The following NFASC variants were observed in gnomAD, a reference collection of about 807,000 sequenced individuals.
The protein encoded by NFASC is neurofascin homolog.
In NFASC, 43 loss-of-function variants were observed where a neutral mutation model predicts 147.5. The ratio of observed to expected loss-of-function variants is 0.29; its 90% confidence interval spans 0.23 to 0.38. The LOEUF (loss-of-function observed/expected upper bound fraction) is 0.38. Ranked by LOEUF, NFASC falls within the 10% of genes least tolerant of loss-of-function variation. NFASC has a pLI of 1.00. For synonymous variants in NFASC, 622 were observed against 665.5 expected (o/e 0.93, Z 1.01); for missense variants, 1,320 against 1,689.0 (o/e 0.78, Z 3.83).
chr1:204,889,327 T>C (rs543756959), intron 1 of NFASC, among the ~76,000 whole-genome samples: 25 of 152,334 alleles, frequency 1.6e-4, no homozygotes, highest in African/African-American at 5.8e-4. Context: ...CCTTCCCAAC[T>C]TTCCCAGGAT....
intron 2 of NFASC, among the ~76,000 whole-genome samples, chr1:204,928,719 CT>C (rs2092015704): frequency 6.6e-6 from 1 of 152,198 alleles, no homozygotes; most frequent in African/African-American, 2.4e-5. Context: ...ACACAGACGT[CT>C]CTGTGTCCAA....
intron 2 of NFASC, among the ~76,000 whole-genome samples, chr1:204,936,327 G>A (rs61819454): frequency 0.06 from 9,013 of 149,604 alleles, 695 homozygotes; most frequent in African/African-American, 0.18. Context: ...TCAGCCTCCC[G>A]AGTAGCTGGG....
At chr1:204,920,591 A>G (rs2149437911) in intron 1 of NFASC, 41 bp from the exon 2 acceptor site, 2 of 1,006,742 alleles carry the variant, frequency 2.0e-6, no homozygotes, top group South Asian at 1.4e-5. Context: ...TTCCTTTCTT[A>G]GAGTAACCCT....
intron 1 of NFASC, among the ~76,000 whole-genome samples, chr1:204,891,490 C>T (rs1182626601): frequency 1.3e-5 from 2 of 152,172 alleles, no homozygotes; most frequent in East Asian, 1.9e-4. Context: ...ATAAGAGGCC[C>T]TAGGGCTAGA....
intron 1 of NFASC, among the ~76,000 whole-genome samples, chr1:204,847,156 G>A (rs779332403): frequency 6.6e-6 from 1 of 152,104 alleles, no homozygotes; most frequent in Non-Finnish European, 1.5e-5. Flanking sequence ...GGGTCTAAGT[G>A]TGAGTGGCCT....
chr1:204,845,319 G>A (rs1221735303), intron 1 of NFASC, among the ~76,000 whole-genome samples: 4 of 150,100 alleles, frequency 2.7e-5, no homozygotes, highest in African/African-American at 7.4e-5. Context: ...ATAGCTGGGC[G>A]TGATGGTGAG....
At chr1:204,867,189 C>T (rs1020427360) in intron 1 of NFASC, among the ~76,000 whole-genome samples, 3 of 152,134 alleles carry the variant, frequency 2.0e-5, no homozygotes, top group Non-Finnish European at 2.9e-5. Flanking sequence ...GTTGGATTTG[C>T]ACATGGAAGA....
At chr1:204,950,183 C>G (rs763791135) in intron 3 of NFASC, among the ~76,000 whole-genome samples, 8 of 152,244 alleles carry the variant, frequency 5.3e-5, no homozygotes, top group Non-Finnish European at 1.2e-4. Context: ...GAGCCCACTT[C>G]CCTCAGTGGC....
rs1279223705 is a variant in NFASC, at chr1:205,022,411, C to T, written c.*5872C>T. 6.6e-6 allele frequency: 1 copy of T among 152,414 alleles called. No individual in the cohort carries two copies. The highest frequency in any genetic ancestry group is 1.9e-4 in the East Asian group (1 of 5,190). 9.4% of individuals were successfully genotyped at this position (152,414 alleles called of 1,614,324 possible). On this transcript the variant is annotated 3_prime_UTR_variant, in exon 30 of 30. Coordinates refer to ENST00000339876, the MANE Select transcript of NFASC (RefSeq NM_001005388.3). ...CCCACCACACACCCATATCCCCCAC[C>T]ATTCCAATTTGTTCTTTCCCGTGGG...
At chr1:205,012,696 C>A (rs2096275104) in intron 28 of NFASC, 101 bp from the exon 29 acceptor site, 1 of 874,626 alleles carries the variant, frequency 1.1e-6, no homozygotes, top group Non-Finnish European at 2.0e-6. Context: ...GTCAGTGAGC[C>A]CAGGGCGGTG....
At chr1:204,866,299 G>T (rs1258232066) in intron 1 of NFASC, among the ~76,000 whole-genome samples, 1 of 152,200 alleles carries the variant, frequency 6.6e-6, no homozygotes, top group Non-Finnish European at 1.5e-5. Context: ...GGGCAGAGAG[G>T]ATGATCAAGG....
intron 1 of NFASC, among the ~76,000 whole-genome samples, chr1:204,883,895 G>A (rs2148921348): frequency 6.6e-6 from 1 of 152,296 alleles, no homozygotes; most frequent in South Asian, 2.1e-4. Context: ...GAAGATCTGA[G>A]ACCTGAACCC....
chr1:204,973,975 T>C lies in NFASC; in HGVS notation c.1280-204T>C, dbSNP rs1051780843. Among the ~76,000 whole-genome samples the C allele has an allele frequency of 9.9e-5, 15 of 151,962 alleles. No homozygotes were observed. The East Asian group carries it at 2.5e-3, about 25-fold the overall frequency. Reference sequence around the variant, plus strand: ...GCAAAAGCTGGATTTGGATGTAGGGTAGGTTGAGGGCAGAGGACGTAGTAA... The same window carrying C: ...GCAAAAGCTGGATTTGGATGTAGGGCAGGTTGAGGGCAGAGGACGTAGTAA... On this transcript the variant is annotated intron_variant, in intron 12 of 29. Transcript: ENST00000339876.
In NFASC at chr1:204,950,631, A is replaced by G. The variant is rs1001356751; in HGVS notation, c.109+57A>G. 5.2e-6 allele frequency: 8 copies of G among 1,536,614 alleles called. No individual in the cohort carries two copies. The African/African-American group carries it at 1.1e-4, about 21-fold the overall frequency. On this transcript the variant is annotated intron_variant, in intron 4 of 29. Transcript: ENST00000339876. ...GGGAGTTGGGAGGGAGGAATGAGGC[A>G]TGAGGTGATACCTGGGGATTAGTGG...
At chr1:204,932,920 C>T (rs2092492743) in intron 2 of NFASC, among the ~76,000 whole-genome samples, 1 of 152,140 alleles carries the variant, frequency 6.6e-6, no homozygotes, top group South Asian at 2.1e-4. Context: ...GAATTGATCA[C>T]ATGGAAGGAG....
chr1:205,003,356 C>T (rs989414079), intron 27 of NFASC, among the ~76,000 whole-genome samples: 3 of 152,172 alleles, frequency 2.0e-5, no homozygotes, highest in African/African-American at 7.2e-5. Context: ...TCTCCAGAAC[C>T]GGAAAGGTTC....
rs945038354 is a variant in NFASC, at chr1:204,986,387, G to A, written c.2471-1031G>A. Among the ~76,000 whole-genome samples, 2 of 152,208 alleles carry A rather than the reference G, an allele frequency of 1.3e-5. No individual in the cohort carries two copies. The highest frequency in any genetic ancestry group is 3.9e-4 in the East Asian group (2 of 5,194). On this transcript the variant is annotated intron_variant, in intron 21 of 29. Coordinates refer to ENST00000339876, the MANE Select transcript of NFASC (RefSeq NM_001005388.3). This position sits in a 1 kb window ranked among gnomAD's most constrained non-coding sequence, Gnocchi z 4.2. ...CGGGTTATGCAGACTGATCCCCGAGGGCACGGCGGGCACCTGGGCCACCCC... is the reference window on the plus strand; with the variant it reads ...CGGGTTATGCAGACTGATCCCCGAGAGCACGGCGGGCACCTGGGCCACCCC...
At chr1:204,872,039 G>A (rs1165878581) in intron 1 of NFASC, among the ~76,000 whole-genome samples, 1 of 152,138 alleles carries the variant, frequency 6.6e-6, no homozygotes, top group South Asian at 2.1e-4. Context: ...GTTTTGTTTG[G>A]GTTGAAGATT....
rs538391628 is a variant in NFASC at position 204,863,938 on chromosome 1, G to A, written c.-200+35156G>A. Among the ~76,000 whole-genome samples, 3 of 121,690 alleles carry A rather than the reference G, an allele frequency of 2.5e-5. No homozygotes were observed. In the Admixed American group the frequency reaches 3.0e-4, roughly 12 times the overall value. The allele number at this position is 121,690 out of a possible 152,430, so 79.8% of individuals were successfully genotyped here. A position where few individuals can be genotyped will look rare whatever the true frequency, so the allele number is the denominator to read the frequency against. ...AGGGAAAGGAAAGGAGGAAGAAAGA[G>A]AGAGAGAAAGAGAGAAAGAAAGAAA... On this transcript the variant is annotated intron_variant, in intron 1 of 29. Transcript: ENST00000339876.
Sources: gnomAD v4.1 joint callset for allele counts (sites outside exome capture counted in the v4.1 genomes callset) on GRCh38, gnomAD v4.1.1 for gene constraint, Gnocchi (gnomAD v3.1) non-coding constraint, MANE v1.5 for transcripts, NCBI Gene and HGNC (gene_info 2026-07-23, HGNC 2026-07-21) for gene names.